Variants in RPF1 observed in about 807,000 individuals in gnomAD.
The protein encoded by RPF1 is ribosome production factor 1.
In RPF1, 34 loss-of-function variants were observed where a neutral mutation model predicts 41.9. That is an observed-to-expected ratio of 0.81 (90% CI 0.62 to 1.08). The LOEUF is 1.08. Among genes scored for constraint, RPF1 ranks in the 50% least tolerant of loss-of-function variants. RPF1 has a pLI of 0.00. For missense variants in RPF1, 425 were observed against 435.2 expected, an observed-to-expected ratio of 0.98 and a Z score of 0.21; for synonymous variants, 140 against 148.9, an observed-to-expected ratio of 0.94 and a Z score of 0.43.
At chr1:84,480,285 G>C (rs1285251935) in intron 1 of RPF1, among the ~76,000 whole-genome samples, 1 of 152,148 alleles carries the variant, frequency 6.6e-6, no homozygotes, top group Non-Finnish European at 1.5e-5. Context: ...GGGATGTCCT[G>C]GAAGACTTAT....
At chr1:84,490,292 C>T in intron 4 of RPF1, 27 bp from the exon 5 acceptor site, 1 of 1,479,814 alleles carries the variant, frequency 6.8e-7, no homozygotes, top group Non-Finnish European at 9.0e-7. Flanking sequence ...GAAAACTATT[C>T]AAAATTTTTG....
intron 5 of RPF1, among the ~76,000 whole-genome samples, chr1:84,494,292 G>T (rs1681890619): frequency 6.6e-6 from 1 of 152,144 alleles, no homozygotes; most frequent in South Asian, 2.1e-4. Context: ...GTTAAGATTT[G>T]GTGGGAGAGG....
At chr1:84,481,864 A>G (rs1259179989) in intron 2 of RPF1, among the ~76,000 whole-genome samples, 1 of 152,330 alleles carries the variant, frequency 6.6e-6, no homozygotes, top group East Asian at 1.9e-4. Flanking sequence ...AAAAAAATGT[A>G]AAGACAGTAT....
At chr1:84,487,852 A>G (rs1050104469) in intron 3 of RPF1, among the ~76,000 whole-genome samples, 5 of 152,038 alleles carry the variant, frequency 3.3e-5, no homozygotes, top group African/African-American at 9.7e-5. Context: ...TACTCTTACA[A>G]TTCTGTGTTC....
Position 84,489,635 on chromosome 1 carries a change from C to T in RPF1, c.369C>T (p.Val123=), listed in dbSNP as rs777692590. The change falls in exon 4 of 9, where the codon GTC becomes GTT. Residue 123 remains valine (V), a splice_region_variant and synonymous_variant. Coordinates refer to ENST00000370654, the MANE Select transcript of RPF1 (RefSeq NM_025065.7). ...TTATTCCTCTTCTCTGTTCTCAGGTCGCTTATGATGAAGCTACAGATGAAT... is the reference window on the plus strand; with the variant it reads ...TTATTCCTCTTCTCTGTTCTCAGGTTGCTTATGATGAAGCTACAGATGAAT... ...ETTVDPNDEE[V]AYDEATDEFA... is the part of the protein sequence containing the mutation. The T allele has an allele frequency of 2.1e-5, 33 of 1,572,732 alleles. No individual in the cohort carries two copies. Among genetic ancestry groups the T allele is most frequent in the Middle Eastern group, 1.7e-4 (1 of 5,990 alleles).
rs1681915940 is a variant in RPF1, at chr1:84,495,428, C to T, written c.672C>T (p.Ser224=). 6.7e-7 allele frequency: 1 copy of T among 1,489,024 alleles called. No homozygotes were observed. The allele number at this position is 1,489,024 out of a possible 1,614,324, so 92.2% of individuals were successfully genotyped here. Residue 224 remains serine (S), a synonymous_variant, in exon 6 of 9, where the codon AGC becomes AGT. Transcript: ENST00000370654. Reference sequence around the variant, plus strand: ...GCCCAACTGCTCATTTTAAAATGAGCAGTGTTCGTCTTCGTAAAGAAATTA... The same window carrying T: ...GCCCAACTGCTCATTTTAAAATGAGTAGTGTTCGTCTTCGTAAAGAAATTA... ...PNGPTAHFKM[S]SVRLRKEIKR...
At chr1:84,485,106 T>TAAATAAA (rs1263294336) in intron 3 of RPF1, among the ~76,000 whole-genome samples, 1 of 151,880 alleles carries the variant, frequency 6.6e-6, no homozygotes, top group Non-Finnish European at 1.5e-5. Context: ...AGCCTAAAGG[T>TAAATAAA]AACTTTTTTA....
Position 84,497,972 on chromosome 1 carries a change from T to C in RPF1, c.*502T>C, listed in dbSNP as rs1043154128. 2.0e-5 allele frequency among the ~76,000 whole-genome samples: 3 copies of C among 152,248 alleles called. No individual in the cohort carries two copies. The highest frequency in any genetic ancestry group is 4.4e-5 in the Non-Finnish European group (3 of 68,036). On this transcript the variant is annotated 3_prime_UTR_variant, in exon 9 of 9. Coordinates refer to ENST00000370654, the MANE Select transcript of RPF1 (RefSeq NM_025065.7). The stretch of plus-strand genomic sequence containing the variant: ...GGTTTAAAGCAAAGTTGCAAATTAC[T>C]GAAGCTAATCTTTGCTTCCTGATTT...
At chr1:84,497,391 T>G in intron 8 of RPF1, 38 bp from the exon 9 acceptor site, 1 of 1,572,590 alleles carries the variant, frequency 6.4e-7, no homozygotes, top group Non-Finnish European at 8.7e-7. Flanking sequence ...TATTTTTGTT[T>G]TGTTTTCTTC....
intron 5 of RPF1, among the ~76,000 whole-genome samples, chr1:84,494,924 C>T (rs907237190): frequency 3.3e-5 from 5 of 152,128 alleles, no homozygotes. Context: ...TCAAAGTTGA[C>T]AGCATATCGT....
At chr1:84,495,201 C>T (rs1282770311) in intron 5 of RPF1, among the ~76,000 whole-genome samples, 172 bp from the exon 6 acceptor site, 1 of 152,086 alleles carries the variant, frequency 6.6e-6, no homozygotes, top group Admixed American at 6.5e-5. Flanking sequence ...AAGATTTTGA[C>T]TGATTTTGAG....
At chr1:84,494,992 G>T (rs1030583196) in intron 5 of RPF1, among the ~76,000 whole-genome samples, 1 of 152,062 alleles carries the variant, frequency 6.6e-6, no homozygotes, top group Non-Finnish European at 1.5e-5. Flanking sequence ...GAACGTGGAG[G>T]TAAACTCATA....
intron 7 of RPF1, 29 bp downstream of exon 7, chr1:84,496,092 A>G (rs1558547093): frequency 6.5e-7 from 1 of 1,533,912 alleles, no homozygotes; most frequent in Non-Finnish European, 8.9e-7. Context: ...TTGAACTTTG[A>G]TTTCAATTAT....
chr1:84,496,124 C>T, intron 7 of RPF1, 61 bp downstream of exon 7: 1 of 1,480,066 alleles, frequency 6.8e-7, no homozygotes, highest in East Asian at 2.3e-5. Flanking sequence ...TCAACATGAA[C>T]TAATTTTCCA....
At chr1:84,483,707 C>T (rs1393795905) in intron 3 of RPF1, among the ~76,000 whole-genome samples, 1 of 152,166 alleles carries the variant, frequency 6.6e-6, no homozygotes, top group Non-Finnish European at 1.5e-5. Flanking sequence ...TTTGCATATT[C>T]TCCTTAGATA....
intron 2 of RPF1, among the ~76,000 whole-genome samples, chr1:84,482,620 T>G (rs1488851365): frequency 2.6e-5 from 4 of 152,052 alleles, no homozygotes; most frequent in Non-Finnish European, 5.9e-5. Flanking sequence ...TTCCCCCTAG[T>G]AGATAACTAT....
chr1:84,493,074 A>G (rs1193329939), intron 5 of RPF1, among the ~76,000 whole-genome samples: 1 of 152,202 alleles, frequency 6.6e-6, no homozygotes, highest in African/African-American at 2.4e-5. Flanking sequence ...ATGCAGGTAC[A>G]TGGGAAAAGA....
chr1:84,484,203 G>A (rs1389380159), intron 3 of RPF1, among the ~76,000 whole-genome samples: 1 of 152,128 alleles, frequency 6.6e-6, no homozygotes, highest in Admixed American at 6.5e-5. Context: ...CATTATTTCA[G>A]ACTTAATAGA....
intron 1 of RPF1, among the ~76,000 whole-genome samples, chr1:84,480,200 C>G (rs1338460126): frequency 6.6e-6 from 1 of 152,116 alleles, no homozygotes; most frequent in Non-Finnish European, 1.5e-5. Context: ...GGTTCTTACT[C>G]ATGTTCAGTG....
Sources: gnomAD v4.1 joint callset for allele counts (sites outside exome capture counted in the v4.1 genomes callset) on GRCh38, gnomAD v4.1.1 for gene constraint, MANE v1.5 for transcripts, NCBI Gene and HGNC (gene_info 2026-07-23, HGNC 2026-07-21) for gene names.